Variants in SH3PXD2A observed in about 807,000 individuals in gnomAD.
SH3PXD2A encodes SH3 and PX domains 2A.
A neutral mutation model predicts 115.2 loss-of-function variants in SH3PXD2A; 32 were observed. That is an observed-to-expected ratio of 0.28 (90% CI 0.21 to 0.37). SH3PXD2A has a LOEUF of 0.37. SH3PXD2A is among the 10% of genes least tolerant of loss of function. The probability of loss-of-function intolerance (pLI) is 1.00; values close to 1 mark genes in which losing one functional copy is unlikely to be tolerated. For synonymous variants in SH3PXD2A, 610 were observed against 629.1 expected, an observed-to-expected ratio of 0.97 and a Z score of 0.45; for missense variants, 1,328 against 1,498.7, an observed-to-expected ratio of 0.89 and a Z score of 1.88.
At chr10:103,750,363 G>A (rs759975008) in intron 3 of SH3PXD2A, among the ~76,000 whole-genome samples, 5 of 152,106 alleles carry the variant, frequency 3.3e-5, no homozygotes, top group Admixed American at 1.3e-4. Context: ...TTTTATTGTC[G>A]TTTTAAGCTG....
rs575711637 is a variant in SH3PXD2A at position 103,605,732 on chromosome 10, T to C, written c.1428+66A>G. ...GGAATCTTACTAGCAAGGCCTAAAA[T>C]GGGAAATGCAGTAGGTTTTCCACCA... On this transcript the variant is annotated intron_variant, in intron 14 of 14. Transcript: ENST00000369774. 1.3e-3 allele frequency: 2,047 copies of C among 1,605,256 alleles called. 2 individuals carry two copies. The highest frequency in any genetic ancestry group is 1.6e-3 in the Non-Finnish European group (1,923 of 1,172,808).
intron 4 of SH3PXD2A, among the ~76,000 whole-genome samples, chr10:103,731,048 C>G (rs2038313055): frequency 6.6e-6 from 1 of 151,666 alleles, no homozygotes; most frequent in African/African-American, 2.4e-5. Context: ...ATATGGAAGA[C>G]AGAGGCAGGA....
chr10:103,698,491 C>T (rs1381697667), intron 5 of SH3PXD2A, among the ~76,000 whole-genome samples: 1 of 152,224 alleles, frequency 6.6e-6, no homozygotes, highest in Non-Finnish European at 1.5e-5. Flanking sequence ...AAGAGGCCGG[C>T]TGGGCTGCCA....
chr10:103,831,454 G>A (rs2039481816), intron 1 of SH3PXD2A, among the ~76,000 whole-genome samples: 1 of 152,190 alleles, frequency 6.6e-6, no homozygotes, highest in Admixed American at 6.5e-5. Context: ...TTTGGCCAAG[G>A]GATGTGTTAT....
At chr10:103,769,512 G>C (rs1279905521) in intron 2 of SH3PXD2A, among the ~76,000 whole-genome samples, 1 of 145,932 alleles carries the variant, frequency 6.9e-6, no homozygotes, top group Non-Finnish European at 1.5e-5. Flanking sequence ...GCAGTGGCAC[G>C]ATCTCAGCTC....
intron 7 of SH3PXD2A, among the ~76,000 whole-genome samples, chr10:103,662,687 C>T (rs896575240): frequency 4.0e-4 from 61 of 152,126 alleles, no homozygotes; most frequent in Non-Finnish European, 7.2e-4. Context: ...GCGTGAGCCA[C>T]CGCGCCCGGC....
At position 103,767,810 on chromosome 10, in the gene SH3PXD2A, G is replaced by GTTTTTTTTTTTTTTT. The variant is rs34903223; in HGVS notation, c.154-656_154-642dup. Among the ~76,000 whole-genome samples the GTTTTTTTTTTTTTTT allele has an allele frequency of 8.6e-4, 58 of 67,722 alleles. 1 individual carries two copies. Among genetic ancestry groups the GTTTTTTTTTTTTTTT allele is most frequent in the East Asian group, 2.8e-3 (6 of 2,170 alleles). 44.4% of individuals were successfully genotyped at this position (67,722 alleles called of 152,430 possible). A position where few individuals can be genotyped will look rare whatever the true frequency, so the allele number is the denominator to read the frequency against. On this transcript the variant is annotated intron_variant, in intron 2 of 14. Coordinates refer to ENST00000369774, the MANE Select transcript of SH3PXD2A (RefSeq NM_001394015.1). ...AGGGTTCTGGAGGAACAACTGTTTT[G>GTTTTTTTTTTTTTTT]TTTTTTTTTTTTTTTTTTTTTTTTG...
At chr10:103,649,892 T>C (rs939294609) in intron 8 of SH3PXD2A, among the ~76,000 whole-genome samples, 3 of 152,204 alleles carry the variant, frequency 2.0e-5, no homozygotes, top group Non-Finnish European at 2.9e-5. Flanking sequence ...GCAGAGCCTC[T>C]GGACCTGAGG....
intron 3 of SH3PXD2A, among the ~76,000 whole-genome samples, chr10:103,748,395 T>C (rs868498675): frequency 1.3e-5 from 2 of 152,208 alleles, no homozygotes; most frequent in Non-Finnish European, 1.5e-5. Flanking sequence ...CTGTGCAACC[T>C]GTGGCCAGCT....
At chr10:103,698,687 A>G (rs2037855516) in intron 5 of SH3PXD2A, among the ~76,000 whole-genome samples, 1 of 152,174 alleles carries the variant, frequency 6.6e-6, no homozygotes, top group African/African-American at 2.4e-5. Context: ...GCTGTAGGCA[A>G]CCTCATTAAG....
rs2038958251 is a variant in SH3PXD2A, at chr10:103,784,134, CAGG to C, written c.154-16968_154-16966del. Among the ~76,000 whole-genome samples, 1 of 152,246 alleles carries C rather than the reference CAGG, an allele frequency of 6.6e-6. No individual in the cohort carries two copies. Among genetic ancestry groups the C allele is most frequent in the African/African-American group, 2.4e-5 (1 of 41,466 alleles). On this transcript the variant is annotated intron_variant, in intron 2 of 14. Coordinates refer to ENST00000369774, the MANE Select transcript of SH3PXD2A (RefSeq NM_001394015.1). The surrounding 1 kb of genome is among the most constrained non-coding windows in gnomAD (Gnocchi z 4.4). The stretch of plus-strand genomic sequence containing the variant: ...GGAGCTGCCCACCTGGAATGAGATG[CAGG>C]AGGAGGAGGAAGTGCAGGGAGAGAA...
At chr10:103,830,451 G>A (rs1049075662) in intron 1 of SH3PXD2A, among the ~76,000 whole-genome samples, 1 of 152,202 alleles carries the variant, frequency 6.6e-6, no homozygotes, top group Non-Finnish European at 1.5e-5. Context: ...CTGCATTTAA[G>A]TAAATACTGT....
intron 7 of SH3PXD2A, among the ~76,000 whole-genome samples, chr10:103,664,289 G>C (rs2037354217): frequency 6.6e-6 from 1 of 152,262 alleles, no homozygotes; most frequent in African/African-American, 2.4e-5. Context: ...GCAGGTTAGA[G>C]AGCCCGCAAG....
In SH3PXD2A at chr10:103,602,970, G is replaced by T. The variant is rs746382788; in HGVS notation, c.2248C>A (p.Pro750Thr). Reference sequence around the variant, plus strand: ...GGCCGGACCGATGGCTTGGCCCGGGGACAGGAGGTCAGCCCAGCGTTCGCA... The same window carrying T: ...GGCCGGACCGATGGCTTGGCCCGGGTACAGGAGGTCAGCCCAGCGTTCGCA... The part of the protein sequence containing the change: ...ADANAGLTSC[P>T]RAKPSVRPKP... The change falls in exon 15 of 15, where the codon CCC becomes ACC. Residue 750 changes from proline to threonine, a missense_variant. By Grantham distance (38) the Pro-to-Thr change is conservative. Coordinates refer to ENST00000369774, the MANE Select transcript of SH3PXD2A (RefSeq NM_001394015.1). The T allele has an allele frequency of 3.7e-6, 6 of 1,614,254 alleles. No homozygotes were observed. The highest frequency in any genetic ancestry group is 1.7e-5 in the Admixed American group (1 of 60,034).
intron 2 of SH3PXD2A, among the ~76,000 whole-genome samples, chr10:103,793,223 A>G (rs1045620310): frequency 2.0e-5 from 3 of 152,194 alleles, no homozygotes; most frequent in African/African-American, 7.2e-5. Flanking sequence ...CCTAACCCCC[A>G]TCTAGAGATG....
At chr10:103,849,554 A>G (rs1482570694) in intron 1 of SH3PXD2A, among the ~76,000 whole-genome samples, 1 of 152,088 alleles carries the variant, frequency 6.6e-6, no homozygotes, top group Non-Finnish European at 1.5e-5. Flanking sequence ...CACAAGAGGG[A>G]TCCTCATGTG....
chr10:103,602,011 G>A lies in SH3PXD2A; in HGVS notation c.3207C>T (p.Ile1069=). The change falls in exon 15 of 15, where the codon ATC becomes ATT. Residue 1069 remains isoleucine (I), a synonymous_variant. Coordinates refer to ENST00000369774, the MANE Select transcript of SH3PXD2A (RefSeq NM_001394015.1). ...CGTACACATCTTTGAGGTTATTGTG[G>A]ATGAACTGAGACTTCTCGATGGGCT... ...RPKPIEKSQF[I]HNNLKDVYVS... is the part of the protein sequence containing the mutation. 1 of 1,613,684 alleles carries A rather than the reference G, an allele frequency of 6.2e-7. No homozygotes were observed. The highest frequency in any genetic ancestry group is 8.5e-7 in the Non-Finnish European group (1 of 1,179,788).
At chr10:103,684,333 A>G (rs1450890524) in intron 6 of SH3PXD2A, among the ~76,000 whole-genome samples, 2 of 151,380 alleles carry the variant, frequency 1.3e-5, no homozygotes, top group Non-Finnish European at 2.9e-5. Flanking sequence ...TAAAAGGAGG[A>G]GAATAGAGGA....
chr10:103,608,669 C>T (rs1302259445), intron 13 of SH3PXD2A: 1 of 150,196 alleles, frequency 6.7e-6, no homozygotes, highest in Non-Finnish European at 1.5e-5. Context: ...AAACTAGAGA[C>T]AGGGTTTTGC....
Sources: allele counts gnomAD v4.1 joint callset (sites outside exome capture counted in the v4.1 genomes callset), GRCh38; gene constraint gnomAD v4.1.1; non-coding constraint Gnocchi (gnomAD v3.1); transcripts MANE v1.5; gene names NCBI Gene and HGNC (gene_info 2026-07-23, HGNC 2026-07-21).